Variants in DRD3 observed in about 807,000 individuals in gnomAD.
DRD3 encodes the protein D(3) dopamine receptor.
DRD3 carries 19 observed loss-of-function variants against 36.3 expected under a neutral mutation model. The ratio of observed to expected loss-of-function variants is 0.52; its 90% CI spans 0.36 to 0.77. The LOEUF is 0.77. Ranked by LOEUF, DRD3 falls within the 30% of genes least tolerant of loss-of-function variation. The pLI is 0.00. For missense variants in DRD3, 465 were observed against 505.3 expected, an observed-to-expected ratio of 0.92 and a Z score of 0.77; for synonymous variants, 195 against 203.7, an observed-to-expected ratio of 0.96 and a Z score of 0.36.
At chr3:114,186,118 C>G (rs566901575) in intron 1 of DRD3, among the ~76,000 whole-genome samples, 1 of 152,162 alleles carries the variant, frequency 6.6e-6, no homozygotes, top group Admixed American at 6.5e-5. Flanking sequence ...AGTGCAGTCA[C>G]TTTCTAATTT....
chr3:114,168,444 C>A (rs2077807333), intron 2 of DRD3, among the ~76,000 whole-genome samples: 1 of 152,014 alleles, frequency 6.6e-6, no homozygotes, highest in Admixed American at 6.6e-5. Context: ...TTCATTTTTT[C>A]TTTTTTAGCT....
At chr3:114,157,278 T>C (rs1246177942) in intron 3 of DRD3, among the ~76,000 whole-genome samples, 1 of 152,080 alleles carries the variant, frequency 6.6e-6, no homozygotes, top group African/African-American at 2.4e-5. Flanking sequence ...GGTCTCGAAC[T>C]CCTGACCTCA....
intron 3 of DRD3, among the ~76,000 whole-genome samples, chr3:114,149,235 C>G (rs1417816149): frequency 6.6e-6 from 1 of 152,012 alleles, no homozygotes; most frequent in Non-Finnish European, 1.5e-5. Context: ...GTTAGAGAAC[C>G]AGGGAGGAGG....
Position 114,178,946 on chromosome 3 carries a change from G to A in DRD3, c.-325C>T, listed in dbSNP as rs200161999. 2 of 152,146 alleles carry A rather than the reference G, an allele frequency of 1.3e-5. No individual in the cohort carries two copies. Among genetic ancestry groups the A allele is most frequent in the Non-Finnish European group, 2.9e-5 (2 of 68,028 alleles). 9.4% of individuals were successfully genotyped at this position (152,146 alleles called of 1,614,324 possible). A position where few individuals can be genotyped will look rare whatever the true frequency, so the allele number is the denominator to read the frequency against. ...AGGGACCCTAAACTGAGCGTTGCTT[G>A]GGTCAGCCGCTCAGAGGTTCTGTCC... On this transcript the variant is annotated 5_prime_UTR_variant, in exon 1 of 7. Transcript: ENST00000383673.
intron 5 of DRD3, among the ~76,000 whole-genome samples, chr3:114,138,603 A>G (rs1274694576): frequency 6.6e-6 from 1 of 152,140 alleles, no homozygotes; most frequent in African/African-American, 2.4e-5. Context: ...GGGAGCTACA[A>G]TTCAAGATGA....
intron 4 of DRD3, among the ~76,000 whole-genome samples, chr3:114,143,539 A>G (rs748084691): frequency 2.6e-5 from 4 of 152,250 alleles, no homozygotes; most frequent in African/African-American, 4.8e-5. Context: ...TGAAAGATTC[A>G]TGAACTTCAA....
chr3:114,160,897 A>T (rs1469135020), intron 2 of DRD3, among the ~76,000 whole-genome samples: 1 of 152,112 alleles, frequency 6.6e-6, no homozygotes, highest in Non-Finnish European at 1.5e-5. Flanking sequence ...CTATCTATAC[A>T]TGTATTTCAA....
At chr3:114,187,199 A>C (rs897295558) in intron 1 of DRD3, among the ~76,000 whole-genome samples, 2 of 152,256 alleles carry the variant, frequency 1.3e-5, no homozygotes, top group African/African-American at 2.4e-5. Flanking sequence ...AAATGTCTAA[A>C]AAATGTTCTC....
chr3:114,169,556 G>T (rs2077819382), intron 2 of DRD3, among the ~76,000 whole-genome samples: 1 of 151,916 alleles, frequency 6.6e-6, no homozygotes, highest in Non-Finnish European at 1.5e-5. Context: ...TAACCTGTTG[G>T]ACAGAGGGCA....
At chr3:114,191,615 G>C (rs1425272581) in intron 1 of DRD3, among the ~76,000 whole-genome samples, 1 of 152,188 alleles carries the variant, frequency 6.6e-6, no homozygotes, top group East Asian at 1.9e-4. Context: ...TGTGAGAGTA[G>C]ATTACAGCAG....
intron 4 of DRD3, among the ~76,000 whole-genome samples, chr3:114,142,642 T>C (rs1057248595): frequency 1.3e-5 from 2 of 152,156 alleles, no homozygotes; most frequent in Non-Finnish European, 2.9e-5. Flanking sequence ...TGTAGTAATC[T>C]GGGGTAGAAG....
At chr3:114,160,749 T>C (rs577222673) in intron 2 of DRD3, among the ~76,000 whole-genome samples, 1 of 152,312 alleles carries the variant, frequency 6.6e-6, no homozygotes, top group South Asian at 2.1e-4. Context: ...TGGGAATCTA[T>C]GTAAAATAAG....
chr3:114,181,116 C>T (rs1322785851), upstream of DRD3, among the ~76,000 whole-genome samples: 1 of 152,160 alleles, frequency 6.6e-6, no homozygotes, highest in African/African-American at 2.4e-5. Context: ...TCTTCAAGGG[C>T]AGTTGTAAAT....
chr3:114,160,367 C>A (rs2077721316), intron 2 of DRD3, among the ~76,000 whole-genome samples: 1 of 152,186 alleles, frequency 6.6e-6, no homozygotes, highest in Non-Finnish European at 1.5e-5. Flanking sequence ...CTGCCTCAGC[C>A]TCCCAAGTAG....
intron 2 of DRD3, among the ~76,000 whole-genome samples, chr3:114,160,785 C>T (rs1374331425): frequency 6.6e-6 from 1 of 152,146 alleles, no homozygotes; most frequent in Non-Finnish European, 1.5e-5. Context: ...CTGCCTTCAA[C>T]ACTCTCCCTC....
chr3:114,154,882 G>A (rs1244554491), intron 3 of DRD3, among the ~76,000 whole-genome samples: 3 of 152,148 alleles, frequency 2.0e-5, no homozygotes, highest in African/African-American at 7.2e-5. Context: ...TGGGAGGAGG[G>A]CTGGCTCCCT....
At chr3:114,180,133 A>G (rs1261625943), upstream of DRD3, among the ~76,000 whole-genome samples, 2 of 152,090 alleles carry the variant, frequency 1.3e-5, no homozygotes, top group Non-Finnish European at 2.9e-5. Flanking sequence ...AAACTTCCCA[A>G]AAGACTGATA....
In DRD3 at chr3:114,171,912, G is replaced by A. The variant is rs2077848202; in HGVS notation, c.81C>T (p.Arg27=). The change falls in exon 2 of 7, where the codon CGC becomes CGT. Residue 27 remains arginine, a synonymous_variant. Coordinates refer to ENST00000383673, the MANE Select transcript of DRD3 (RefSeq NM_000796.6). Reference sequence around the variant, plus strand: ...AGGAGAGGGCATAGTAGGCATGTGGGCGGGCCTGGCTGGCACCTGTGGAGT... The same window carrying A: ...AGGAGAGGGCATAGTAGGCATGTGGACGGGCCTGGCTGGCACCTGTGGAGT... ...AENSTGASQA[R]PHAYYALSYC... is the part of the protein sequence containing the mutation. 1.2e-6 allele frequency: 2 copies of A among 1,608,532 alleles called. No individual in the cohort carries two copies. Among genetic ancestry groups the A allele is most frequent in the African/African-American group, 1.3e-5 (1 of 74,798 alleles).
At chr3:114,138,251 A>G (rs1302282629) in intron 5 of DRD3, among the ~76,000 whole-genome samples, 1 of 151,960 alleles carries the variant, frequency 6.6e-6, no homozygotes, top group African/African-American at 2.4e-5. Flanking sequence ...TCAAGATCAA[A>G]CTCAATTCTT....
Sources: gnomAD v4.1 joint callset for allele counts (sites outside exome capture counted in the v4.1 genomes callset) on GRCh38, gnomAD v4.1.1 for gene constraint, MANE v1.5 for transcripts, NCBI Gene and HGNC (gene_info 2026-07-23, HGNC 2026-07-21) for gene names.